GTSE1: variants seen among roughly 807,000 people sequenced by gnomAD.
GTSE1 encodes the protein G2 and S phase-expressed protein 1.
Under a neutral mutation model 60.5 loss-of-function variants are expected in GTSE1, and 52 were observed. The ratio of observed to expected loss-of-function variants is 0.86; its 90% confidence interval spans 0.69 to 1.08. The LOEUF is 1.08. GTSE1 is among the 50% of genes least tolerant of loss of function. GTSE1 has a pLI of 0.00. For synonymous variants in GTSE1, 368 were observed against 386.5 expected, an observed-to-expected ratio of 0.95 and a Z score of 0.56; for missense variants, 937 against 961.8, an observed-to-expected ratio of 0.97 and a Z score of 0.34.
chr22:46,297,873 C>G lies in GTSE1; in HGVS notation c.79+394C>G, dbSNP rs2077666435. Among the ~76,000 whole-genome samples, 1 of 152,088 alleles carries G rather than the reference C, an allele frequency of 6.6e-6. No homozygotes were observed. Among genetic ancestry groups the G allele is most frequent in the Non-Finnish European group, 1.5e-5 (1 of 68,016 alleles). The stretch of plus-strand genomic sequence containing the variant: ...GCCCCAAACCCCTTTCTTCTTGTGT[C>G]TTTGACTGGTTTGGGTATCAAGGTG... On this transcript the variant is annotated intron_variant, in intron 2 of 11. Transcript: ENST00000454366. This position sits in a 1 kb window ranked among gnomAD's most constrained non-coding sequence, Gnocchi z 4.9.
At chr22:46,302,228 T>G (rs1006460646) in intron 2 of GTSE1, among the ~76,000 whole-genome samples, 1 of 152,248 alleles carries the variant, frequency 6.6e-6, no homozygotes, top group Non-Finnish European at 1.5e-5. Flanking sequence ...TTATTAATTT[T>G]TTATTACTTT....
chr22:46,315,964 C>A, intron 6 of GTSE1, 68 bp from the exon 7 acceptor site: 4 of 1,225,554 alleles, frequency 3.3e-6, no homozygotes, highest in Non-Finnish European at 4.6e-6. Flanking sequence ...GACAGCATAA[C>A]TTCTGTGTGT....
In GTSE1 at chr22:46,316,835, C is replaced by G. The variant is rs1267376277; in HGVS notation, c.1432+423C>G. Among the ~76,000 whole-genome samples, 1 of 152,122 alleles carries G rather than the reference C, an allele frequency of 6.6e-6. No homozygotes were observed. Among genetic ancestry groups the G allele is most frequent in the Non-Finnish European group, 1.5e-5 (1 of 68,026 alleles). ...TCTTTTCCTCTTTCCACTTTATTTC[C>G]TAGGACTCTAATCACATCTATTTCA... On this transcript the variant is annotated intron_variant, in intron 7 of 11. Coordinates refer to ENST00000454366, the MANE Select transcript of GTSE1 (RefSeq NM_016426.7). The surrounding 1 kb of genome is among the most constrained non-coding windows in gnomAD (Gnocchi z 5.0).
chr22:46,301,026 C>G (rs559251889), intron 2 of GTSE1, among the ~76,000 whole-genome samples: 7 of 152,312 alleles, frequency 4.6e-5, no homozygotes, highest in African/African-American at 1.4e-4. Context: ...TGTCCTGAAT[C>G]TTGTTTTTCA....
intron 9 of GTSE1, 93 bp from the exon 10 acceptor site, chr22:46,328,595 A>G: frequency 1.0e-6 from 1 of 965,616 alleles, no homozygotes; most frequent in Non-Finnish European, 1.6e-6. Context: ...TCCACCCAGG[A>G]CACTGTTCCT....
Position 46,321,798 on chromosome 22 carries a change from G to A in GTSE1, c.1433-1392G>A, listed in dbSNP as rs1004420608. 6.6e-6 allele frequency among the ~76,000 whole-genome samples: 1 copy of A among 152,288 alleles called. No individual in the cohort carries two copies. The highest frequency in any genetic ancestry group is 1.9e-4 in the East Asian group (1 of 5,180). The stretch of plus-strand genomic sequence containing the variant: ...GATTTTTAAAAGAATAGGAGAGGCT[G>A]GGGCAGTGGCTCACGCCTGTAATCC... On this transcript the variant is annotated intron_variant, in intron 7 of 11. Coordinates refer to ENST00000454366, the MANE Select transcript of GTSE1 (RefSeq NM_016426.7). The surrounding 1 kb of genome is among the most constrained non-coding windows in gnomAD (Gnocchi z 4.0).
intron 5 of GTSE1, among the ~76,000 whole-genome samples, chr22:46,312,733 G>GCA (rs2077756182): frequency 6.6e-6 from 1 of 152,118 alleles, no homozygotes; most frequent in Non-Finnish European, 1.5e-5. Flanking sequence ...TTCGCAGTGT[G>GCA]CACTGATGGC....
rs763156648 is a variant in GTSE1 at position 46,310,608 on chromosome 22, T to G, written c.763-1533T>G. 6.6e-6 allele frequency among the ~76,000 whole-genome samples: 1 copy of G among 152,156 alleles called. No homozygotes were observed. The highest frequency in any genetic ancestry group is 1.5e-5 in the Non-Finnish European group (1 of 68,024). On this transcript the variant is annotated intron_variant, in intron 4 of 11. Coordinates refer to ENST00000454366, the MANE Select transcript of GTSE1 (RefSeq NM_016426.7). This position sits in a 1 kb window ranked among gnomAD's most constrained non-coding sequence, Gnocchi z 4.4. ...GATTGGGTAACGAAAATGCAGTCTA[T>G]CCAAACAATGGTTTATTTTTGGCAA...
At chr22:46,325,191 C>T (rs738444) in intron 8 of GTSE1, among the ~76,000 whole-genome samples, 38,907 of 151,908 alleles carry the variant, frequency 0.26, 8,486 homozygotes, top group African/African-American at 0.59. Flanking sequence ...TTCTTTTATG[C>T]TGATTTATTT....
In GTSE1 at chr22:46,304,460, G is replaced by T. The variant is rs1160229953; in HGVS notation, c.80-3690G>T. Among the ~76,000 whole-genome samples the T allele has an allele frequency of 6.6e-6, 1 of 152,100 alleles. No homozygotes were observed. The highest frequency in any genetic ancestry group is 1.5e-5 in the Non-Finnish European group (1 of 68,032). ...TTATATATCTATTACTTTTTATTAAGAGCCTCTAAAATCAAGAATGTATGT... is the reference window on the plus strand; with the variant it reads ...TTATATATCTATTACTTTTTATTAATAGCCTCTAAAATCAAGAATGTATGT... On this transcript the variant is annotated intron_variant, in intron 2 of 11. Transcript: ENST00000454366. This position sits in a 1 kb window ranked among gnomAD's most constrained non-coding sequence, Gnocchi z 4.4.
chr22:46,310,458 C>G lies in GTSE1; in HGVS notation c.762+1515C>G, dbSNP rs2077741849. 6.6e-6 allele frequency among the ~76,000 whole-genome samples: 1 copy of G among 152,106 alleles called. No homozygotes were observed. Among genetic ancestry groups the G allele is most frequent in the Non-Finnish European group, 1.5e-5 (1 of 68,006 alleles). On this transcript the variant is annotated intron_variant, in intron 4 of 11. Coordinates refer to ENST00000454366, the MANE Select transcript of GTSE1 (RefSeq NM_016426.7). The surrounding 1 kb of genome is among the most constrained non-coding windows in gnomAD (Gnocchi z 4.4). The stretch of plus-strand genomic sequence containing the variant: ...TCCCATGGGACCCAGCAATTCCACT[C>G]CTTAGTACACAGACCTGAGAGAATT...
intron 6 of GTSE1, among the ~76,000 whole-genome samples, chr22:46,315,048 C>T (rs2077770917): frequency 6.6e-6 from 1 of 150,446 alleles, no homozygotes; most frequent in South Asian, 2.1e-4. Flanking sequence ...GCCACCACAC[C>T]CGGCTAATTT....
At chr22:46,315,942 A>G in intron 6 of GTSE1, 90 bp from the exon 7 acceptor site, 2 of 982,308 alleles carry the variant, frequency 2.0e-6, no homozygotes, top group East Asian at 5.0e-5. Flanking sequence ...TGTTTAAGGT[A>G]GATATGCTAA....
At position 46,308,157 on chromosome 22, in the gene GTSE1, T is replaced by C; in HGVS notation, c.87T>C (p.Leu29=). The C allele has an allele frequency of 6.2e-7, 1 of 1,610,754 alleles. No individual in the cohort carries two copies. Among genetic ancestry groups the C allele is most frequent in the Non-Finnish European group, 8.5e-7 (1 of 1,176,976 alleles). ...TGGATTTTTTCCCTCTAGACATTCT[T>C]CTTTTGGCCGATGAAAAATTTGACT... is the stretch of plus-strand genomic sequence containing the variant. ...NMDDPKKEDI[L]LLADEKFDFD... is the part of the protein sequence containing the mutation. Residue 29 remains leucine (L), a synonymous_variant, in exon 3 of 12, where the codon CTT becomes CTC. Coordinates refer to ENST00000454366, the MANE Select transcript of GTSE1 (RefSeq NM_016426.7).
At position 46,316,545 on chromosome 22, in the gene GTSE1, G is replaced by T; in HGVS notation, c.1432+133G>T. 1.4e-6 allele frequency: 1 copy of T among 690,638 alleles called. No homozygotes were observed. Among genetic ancestry groups the T allele is most frequent in the Non-Finnish European group, 2.4e-6 (1 of 413,298 alleles). 42.8% of individuals were successfully genotyped at this position (690,638 alleles called of 1,614,324 possible). On this transcript the variant is annotated intron_variant, in intron 7 of 11. Transcript: ENST00000454366. The surrounding 1 kb of genome is among the most constrained non-coding windows in gnomAD (Gnocchi z 5.0). ...CCAACAGTGCTTTCAGGTGTGACCC[G>T]CTGTCTTCTCGCCCACGTTGTTTTG...
intron 2 of GTSE1, among the ~76,000 whole-genome samples, chr22:46,299,763 T>C (rs1233945107): frequency 1.3e-5 from 2 of 152,094 alleles, no homozygotes; most frequent in Non-Finnish European, 2.9e-5. Context: ...AAACACAAGT[T>C]AGATTATAAA....
rs115946192 is a variant in GTSE1, at chr22:46,320,790, G to A, written c.1433-2400G>A. Among the ~76,000 whole-genome samples the A allele has an allele frequency of 5.3e-3, 808 of 152,288 alleles. 6 individuals are homozygous for A. The highest frequency in any genetic ancestry group is 0.019 in the African/African-American group (770 of 41,550). ...CGGTACTGGGAGCTGCAGTGGAGAC[G>A]CGCCGTCCAGGTTTAGGGAAGAGCT... is the stretch of plus-strand genomic sequence containing the variant. On this transcript the variant is annotated intron_variant, in intron 7 of 11. Coordinates refer to ENST00000454366, the MANE Select transcript of GTSE1 (RefSeq NM_016426.7). The surrounding 1 kb of genome is among the most constrained non-coding windows in gnomAD (Gnocchi z 7.1).
Position 46,326,388 on chromosome 22 carries a change from C to G in GTSE1, c.1506-48C>G. 4 of 1,473,558 alleles carry G rather than the reference C, an allele frequency of 2.7e-6. No homozygotes were observed. In the African/African-American group the frequency reaches 5.5e-5, roughly 20 times the overall value. The allele number at this position is 1,473,558 out of a possible 1,614,324, so 91.3% of individuals were successfully genotyped here. A position where few individuals can be genotyped will look rare whatever the true frequency, so the allele number is the denominator to read the frequency against. ...GCACAGGCTGAATGATGAGATCTTACTTTTTCTATGTCATCTCAGCTCACG... is the reference window on the plus strand; with the variant it reads ...GCACAGGCTGAATGATGAGATCTTAGTTTTTCTATGTCATCTCAGCTCACG... On this transcript the variant is annotated intron_variant, in intron 8 of 11. Coordinates refer to ENST00000454366, the MANE Select transcript of GTSE1 (RefSeq NM_016426.7).
rs1305349477 is a variant in GTSE1 at position 46,320,999 on chromosome 22, G to C, written c.1433-2191G>C. Among the ~76,000 whole-genome samples, 1 of 152,030 alleles carries C rather than the reference G, an allele frequency of 6.6e-6. No homozygotes were observed. The highest frequency in any genetic ancestry group is 1.5e-5 in the Non-Finnish European group (1 of 68,004). ...ACCGAGAGGAAGGGGTCTCGGGAGA[G>C]AGGGAGCCAACACGGGAGGCGGCAA... On this transcript the variant is annotated intron_variant, in intron 7 of 11. Coordinates refer to ENST00000454366, the MANE Select transcript of GTSE1 (RefSeq NM_016426.7). The surrounding 1 kb of genome is among the most constrained non-coding windows in gnomAD (Gnocchi z 7.1).
Sources: gnomAD v4.1 joint callset for allele counts (sites outside exome capture counted in the v4.1 genomes callset) on GRCh38, gnomAD v4.1.1 for gene constraint, Gnocchi (gnomAD v3.1) non-coding constraint, MANE v1.5 for transcripts, NCBI Gene and HGNC (gene_info 2026-07-23, HGNC 2026-07-21) for gene names.